The following MACROD2 variants were observed in gnomAD, a reference collection of about 807,000 sequenced individuals.
MACROD2 encodes the protein mono-ADP ribosylhydrolase 2.
In MACROD2, 36 loss-of-function variants were observed where a neutral mutation model predicts 70.4. The ratio of observed to expected loss-of-function variants is 0.51; its 90% CI spans 0.39 to 0.68. The LOEUF (loss-of-function observed/expected upper bound fraction) is 0.68. Ranked by LOEUF, MACROD2 falls within the 30% of genes least tolerant of loss-of-function variation. The pLI is 0.00. For missense variants in MACROD2, 496 were observed against 538.4 expected (o/e 0.92, Z 0.78); for synonymous variants, 172 against 178.8 (o/e 0.96, Z 0.30).
intron 5 of MACROD2, among the ~76,000 whole-genome samples, chr20:15,107,866 G>C (rs2075923329): frequency 6.6e-6 from 1 of 151,934 alleles, no homozygotes; most frequent in African/African-American, 2.4e-5. Context: ...GAGGCTAATA[G>C]ATAATAAAAG....
rs114192749 is a variant in MACROD2 at position 15,774,208 on chromosome 20, G to T, written c.646-88537G>T. On this transcript the variant is annotated intron_variant, in intron 8 of 17. Coordinates refer to ENST00000684519, the MANE Select transcript of MACROD2 (RefSeq NM_001351661.2). ...GGAGTTTTAATGGAGGTATTAACTG[G>T]TGCCTAAAGGGAGCAGGTTATGTAT... Among the ~76,000 whole-genome samples, 811 of 152,198 alleles carry T rather than the reference G, an allele frequency of 5.3e-3. 4 individuals are homozygous for T. The highest frequency in any genetic ancestry group is 0.019 in the African/African-American group (786 of 41,516).
At chr20:14,600,834 G>A (rs1982449872) in intron 4 of MACROD2, among the ~76,000 whole-genome samples, 1 of 152,080 alleles carries the variant, frequency 6.6e-6, no homozygotes, top group Admixed American at 6.6e-5. Context: ...TTGCAGCCCA[G>A]GTATACTGTC....
chr20:15,696,018 T>A (rs2050363369), intron 8 of MACROD2, among the ~76,000 whole-genome samples: 1 of 152,198 alleles, frequency 6.6e-6, no homozygotes. Flanking sequence ...TCTTTACCGA[T>A]TTGGATGCCC....
chr20:15,911,632 G>A (rs1455226260), intron 10 of MACROD2, among the ~76,000 whole-genome samples: 3 of 152,170 alleles, frequency 2.0e-5, no homozygotes, highest in Admixed American at 1.3e-4. Context: ...AATAGTGCAA[G>A]GGTATGGACT....
At position 14,507,689 on chromosome 20, in the gene MACROD2, A is replaced by C. The variant is rs368457855; in HGVS notation, c.301+14181A>C. On this transcript the variant is annotated intron_variant, in intron 4 of 17. Coordinates refer to ENST00000684519, the MANE Select transcript of MACROD2 (RefSeq NM_001351661.2). ...GAAACTAAAGGATACATATATTTAA[A>C]GAATTAAAGGAAAGTGCCACAACAA... 2.0e-5 allele frequency among the ~76,000 whole-genome samples: 3 copies of C among 152,346 alleles called. No individual in the cohort carries two copies. The East Asian group carries it at 5.8e-4, about 29-fold the overall frequency.
At chr20:15,096,616 A>G (rs578150726) in intron 5 of MACROD2, among the ~76,000 whole-genome samples, 22 of 150,786 alleles carry the variant, frequency 1.5e-4, no homozygotes, top group Admixed American at 1.3e-3. Flanking sequence ...GGTTCAAGCA[A>G]TTCTCCTGTC....
intron 6 of MACROD2, among the ~76,000 whole-genome samples, chr20:15,420,364 C>A (rs2046211315): frequency 8.4e-6 from 1 of 118,752 alleles, no homozygotes; most frequent in Non-Finnish European, 1.9e-5. Context: ...ATGAAGAAAA[C>A]AAAAAGAAAC....
rs950601138 is a variant in MACROD2 at position 14,287,753 on chromosome 20, T to G, written c.271+202025T>G. Among the ~76,000 whole-genome samples, 5 of 152,036 alleles carry G rather than the reference T, an allele frequency of 3.3e-5. No homozygotes were observed. In the East Asian group the frequency reaches 7.8e-4, roughly 24 times the overall value. ...AGGATCTGCTTTCTTGGTCTTCTGG[T>G]TTTTGGCAGTATTAAGTTTCTTGTG... On this transcript the variant is annotated intron_variant, in intron 3 of 17. Coordinates refer to ENST00000684519, the MANE Select transcript of MACROD2 (RefSeq NM_001351661.2).
chr20:14,770,784 G>A (rs1693360205), intron 5 of MACROD2, among the ~76,000 whole-genome samples: 1 of 152,074 alleles, frequency 6.6e-6, no homozygotes, highest in South Asian at 2.1e-4. Context: ...GAAGCCCACA[G>A]GAGCTAAGTC....
intron 8 of MACROD2, among the ~76,000 whole-genome samples, chr20:15,746,984 A>G (rs899980429): frequency 2.6e-5 from 4 of 152,312 alleles, no homozygotes; most frequent in South Asian, 2.1e-4. Flanking sequence ...CCATGGTCAG[A>G]TAGATCAGCA....
intron 3 of MACROD2, among the ~76,000 whole-genome samples, chr20:14,465,234 A>G (rs1344918380): frequency 6.6e-6 from 1 of 152,018 alleles, no homozygotes; most frequent in African/African-American, 2.4e-5. Flanking sequence ...TTGGGTACAT[A>G]TATATTTAGG....
intron 3 of MACROD2, among the ~76,000 whole-genome samples, chr20:14,421,366 A>G (rs2083874447): frequency 6.6e-6 from 1 of 152,076 alleles, no homozygotes; most frequent in Non-Finnish European, 1.5e-5. Context: ...TGTTGTTGGA[A>G]GCCTTTTGAT....
intron 8 of MACROD2, among the ~76,000 whole-genome samples, chr20:15,708,624 C>T (rs144160923): frequency 6.4e-5 from 9 of 141,032 alleles, no homozygotes; most frequent in African/African-American, 2.0e-4. Context: ...CCTGTGATTT[C>T]AGCACTTTGG....
intron 8 of MACROD2, among the ~76,000 whole-genome samples, chr20:15,515,251 A>G (rs1365492855): frequency 6.6e-6 from 1 of 152,240 alleles, no homozygotes. Flanking sequence ...AACATTTCTA[A>G]GCCATGGATA....
intron 4 of MACROD2, among the ~76,000 whole-genome samples, chr20:14,589,227 A>AT (rs1194679576): frequency 2.6e-5 from 4 of 152,086 alleles, no homozygotes; most frequent in Non-Finnish European, 2.9e-5. Context: ...TAATCACTCA[A>AT]TTTTTTATAC....
At chr20:15,536,593 A>C (rs1183180674) in intron 8 of MACROD2, among the ~76,000 whole-genome samples, 1 of 152,182 alleles carries the variant, frequency 6.6e-6, no homozygotes, top group Non-Finnish European at 1.5e-5. Context: ...GGCATGTTGA[A>C]AATCCCATTA....
intron 8 of MACROD2, among the ~76,000 whole-genome samples, chr20:15,670,099 A>T (rs1295643643): frequency 6.6e-6 from 1 of 152,236 alleles, no homozygotes; most frequent in Non-Finnish European, 1.5e-5. Flanking sequence ...AGTAGGTAAT[A>T]TGTAGTACCT....
chr20:15,384,041 C>T (rs1422292778), intron 6 of MACROD2, among the ~76,000 whole-genome samples: 1 of 152,002 alleles, frequency 6.6e-6, no homozygotes, highest in Non-Finnish European at 1.5e-5. Flanking sequence ...ACTTTAATAA[C>T]ACTCCATAAA....
chr20:14,198,144 GA>G (rs2081448747), intron 3 of MACROD2, among the ~76,000 whole-genome samples: 1 of 151,990 alleles, frequency 6.6e-6, no homozygotes, highest in South Asian at 2.1e-4. Context: ...GTGAGAGAGA[GA>G]GGGGAGAAGC....
Sources: allele counts gnomAD v4.1 joint callset (sites outside exome capture counted in the v4.1 genomes callset), GRCh38; gene constraint gnomAD v4.1.1; transcripts MANE v1.5; gene names NCBI Gene and HGNC (gene_info 2026-07-23, HGNC 2026-07-21).